DNAJC19: variants seen among roughly 807,000 people sequenced by gnomAD.
DNAJC19 encodes the protein DnaJ heat shock protein family (Hsp40) member C19, also known as mitochondrial import inner membrane translocase subunit TIM14.
Under a neutral mutation model 19.8 loss-of-function variants are expected in DNAJC19, and 15 were observed. The observed-to-expected ratio is 0.76, with a 90% CI of 0.51 to 1.17. DNAJC19 has a LOEUF of 1.17. DNAJC19 is among the 50% of genes most tolerant of loss of function. The probability of loss-of-function intolerance (pLI) is 0.00; values close to 1 mark genes in which losing one functional copy is unlikely to be tolerated. For missense variants in DNAJC19, 105 were observed against 140.9 expected, an observed-to-expected ratio of 0.75 and a Z score of 1.29; for synonymous variants, 38 against 42.1, an observed-to-expected ratio of 0.90 and a Z score of 0.38.
rs1244704479 is a variant in DNAJC19 at position 180,986,016 on chromosome 3, G to T, written c.210-20C>A. The stretch of plus-strand genomic sequence containing the variant: ...GTAGGGCTAATTAAAAAAAGAAATG[G>T]TATTTACTTCATCCTACTTCTGCAT... On this transcript the variant is annotated intron_variant, in intron 4 of 5. Transcript: ENST00000382564. 6.3e-7 allele frequency: 1 copy of T among 1,595,516 alleles called. No individual in the cohort carries two copies. The highest frequency in any genetic ancestry group is 1.7e-5 in the Admixed American group (1 of 59,976).
chr3:180,984,858 A>G, intron 5 of DNAJC19, 148 bp from the exon 6 acceptor site: 1 of 587,838 alleles, frequency 1.7e-6, no homozygotes, highest in Admixed American at 3.3e-5. Context: ...TAACCCTGAC[A>G]CTGCAACTGG....
At chr3:180,985,731 C>A (rs1051385763) in intron 5 of DNAJC19, 195 bp downstream of exon 5, 1 of 590,880 alleles carries the variant, frequency 1.7e-6, no homozygotes, top group Admixed American at 2.8e-5. Flanking sequence ...GTAGCACTTA[C>A]ATCTGCTCAT....
Position 180,989,608 on chromosome 3 carries a change from C to T in DNAJC19, c.-6G>A. On this transcript the variant is annotated 5_prime_UTR_variant, in exon 1 of 6. Coordinates refer to ENST00000382564, the MANE Select transcript of DNAJC19 (RefSeq NM_145261.4). ...CGGAAGGCCGCACTCACCATGGCTC[C>T]GGCTGGGCTCCCTTGCTTCCACCGG... 1 of 1,587,438 alleles carries T rather than the reference C, an allele frequency of 6.3e-7. No homozygotes were observed. Among genetic ancestry groups the T allele is most frequent in the Non-Finnish European group, 8.6e-7 (1 of 1,167,318 alleles).
intron 1 of DNAJC19, among the ~76,000 whole-genome samples, chr3:180,988,896 G>C (rs954971218): frequency 6.6e-6 from 1 of 151,288 alleles, no homozygotes; most frequent in African/African-American, 2.4e-5. Context: ...TGTAATCCCA[G>C]CTACTTGGGA....
intron 5 of DNAJC19, 32 bp downstream of exon 5, chr3:180,985,891 CCAA>C (rs767910925): frequency 5.1e-6 from 8 of 1,575,174 alleles, no homozygotes; most frequent in Non-Finnish European, 7.0e-6. Flanking sequence ...ATTGGTCACA[CCAA>C]CAACATCAAC....
chr3:180,989,629 A>T lies in DNAJC19; in HGVS notation c.-27T>A. ...GCTCCGGCTGGGCTCCCTTGCTTCC[A>T]CCGGGAGCACGGCTCATCCCAGCTC... On this transcript the variant is annotated 5_prime_UTR_variant, in exon 1 of 6. Transcript: ENST00000382564. The T allele has an allele frequency of 6.3e-7, 1 of 1,585,140 alleles. No homozygotes were observed. The highest frequency in any genetic ancestry group is 8.6e-7 in the Non-Finnish European group (1 of 1,166,396).
At position 180,984,698 on chromosome 3, in the gene DNAJC19, T is replaced by C. The variant is rs1714806570; in HGVS notation, c.293A>G (p.Tyr98Cys). ...AGCTTCATTGATTTTGGCTGCTATATAAGGAGATCCTCCTATAGGAAGAAA... is the reference window on the plus strand; with the variant it reads ...AGCTTCATTGATTTTGGCTGCTATACAAGGAGATCCTCCTATAGGAAGAAA... The part of the protein sequence containing the change: ...LNHPDKGGSP[Y>C]IAAKINEAKD... The change falls in exon 6 of 6, where the codon TAT (tyrosine) becomes TGT (cysteine). Residue 98 changes from tyrosine to cysteine, a missense_variant. Physicochemically the swap from Tyr to Cys is radical, Grantham distance 194. Transcript: ENST00000382564. 3 of 1,607,276 alleles carry C rather than the reference T, an allele frequency of 1.9e-6. No individual in the cohort carries two copies. In the East Asian group the frequency reaches 6.7e-5, roughly 36 times the overall value.
chr3:180,989,445 GGT>G, intron 1 of DNAJC19, 153 bp downstream of exon 1: 10 of 1,495,322 alleles, frequency 6.7e-6, no homozygotes, highest in Non-Finnish European at 8.9e-6. Context: ...GAGCCAACAG[GGT>G]TGTGTCCTGG....
intron 1 of DNAJC19, 36 bp downstream of exon 1, chr3:180,989,564 C>T (rs766521833): frequency 3.2e-6 from 5 of 1,568,976 alleles, no homozygotes; most frequent in Middle Eastern, 3.3e-4. Flanking sequence ...AGGCCTGGGC[C>T]GGAGGTCGCC....
At position 180,988,088 on chromosome 3, in the gene DNAJC19, CG is replaced by C. The variant is rs2108509666; in HGVS notation, c.63del (p.Tyr21Ter). ...TCCATATGCTTCATGGCTTGCAAAA[CG>C]TAACGGCCTAAAACCAAAAGCAACA... ...TIAAAGFAGR[Y>X]VLQAMKHMEP... On this transcript the variant is annotated frameshift_variant, in exon 3 of 6. Transcript: ENST00000382564. LOFTEE classifies it high-confidence loss of function. 3.7e-6 allele frequency: 6 copies of C among 1,614,166 alleles called. No individual in the cohort carries two copies. The highest frequency in any genetic ancestry group is 3.4e-6 in the Non-Finnish European group (4 of 1,180,022).
chr3:180,988,291 C>T (rs1715013455), intron 1 of DNAJC19, 62 bp from the exon 2 acceptor site: 1 of 1,593,256 alleles, frequency 6.3e-7, no homozygotes. Flanking sequence ...TCATTTTGCC[C>T]ATTCTTCCAT....
chr3:180,984,816 T>A, intron 5 of DNAJC19, 106 bp from the exon 6 acceptor site: 1 of 770,994 alleles, frequency 1.3e-6, no homozygotes, highest in Non-Finnish European at 2.1e-6. Context: ...TGAGGGAGAT[T>A]TAGCAGAAAC....
intron 5 of DNAJC19, chr3:180,985,367 A>G (rs1473176092): frequency 6.5e-6 from 1 of 154,732 alleles, no homozygotes; most frequent in Non-Finnish European, 1.4e-5. Context: ...GCTAAATTTC[A>G]TAAAAGATAC....
At chr3:180,988,846 C>CAAA (rs11465052) in intron 1 of DNAJC19, among the ~76,000 whole-genome samples, 2 of 134,432 alleles carry the variant, frequency 1.5e-5, no homozygotes, top group Non-Finnish European at 3.2e-5. Flanking sequence ...ACTAAAAATA[C>CAAA]AAAAAAAAAA....
At chr3:180,987,673 A>T (rs1714980784) in intron 3 of DNAJC19, 2 of 357,330 alleles carry the variant, frequency 5.6e-6, no homozygotes, top group Non-Finnish European at 5.4e-6. Context: ...ACATGGTCAG[A>T]TCGGATCACT....
At position 180,984,269 on chromosome 3, in the gene DNAJC19, C is replaced by A. The variant is rs1448745717; in HGVS notation, c.*371G>T. 2.2e-6 allele frequency: 1 copy of A among 454,926 alleles called. No individual in the cohort carries two copies. The highest frequency in any genetic ancestry group is 1.6e-5 in the South Asian group (1 of 64,476). The allele number at this position is 454,926 out of a possible 1,614,324, so 28.2% of individuals were successfully genotyped here. A position where few individuals can be genotyped will look rare whatever the true frequency, so the allele number is the denominator to read the frequency against. On this transcript the variant is annotated 3_prime_UTR_variant, in exon 6 of 6. Transcript: ENST00000382564. ...TTAAACAGCTTAAGCTAATTTCCAT[C>A]ATACTATTTATCACAGTCTAATTAC... is the stretch of plus-strand genomic sequence containing the variant.
At chr3:180,989,758 G>T, upstream of DNAJC19, 1 of 1,272,852 alleles carries the variant, frequency 7.9e-7, no homozygotes. Context: ...CCGCAAACTA[G>T]GCCGGAAAAC....
At chr3:180,986,815 TA>T (rs1437500044) in intron 4 of DNAJC19, 127 bp downstream of exon 4, 15 of 770,196 alleles carry the variant, frequency 1.9e-5, no homozygotes, top group Middle Eastern at 3.7e-4. Context: ...TTAGAATTGG[TA>T]ATATCAATCT....
At position 180,986,003 on chromosome 3, in the gene DNAJC19, A is replaced by T. The variant is rs779367415; in HGVS notation, c.210-7T>A. 7.0e-5 allele frequency: 113 copies of T among 1,609,706 alleles called. 1 individual carries two copies. The highest frequency in any genetic ancestry group is 1.4e-5 in the Non-Finnish European group (17 of 1,177,248). ...CCCTTTATTGGCAGTAGGGCTAATT[A>T]AAAAAAGAAATGGTATTTACTTCAT... is the stretch of plus-strand genomic sequence containing the variant. On this transcript the variant is annotated splice_polypyrimidine_tract_variant and splice_region_variant and intron_variant, in intron 4 of 5. Transcript: ENST00000382564.
Sources: allele counts gnomAD v4.1 joint callset (sites outside exome capture counted in the v4.1 genomes callset), GRCh38; gene constraint gnomAD v4.1.1; transcripts MANE v1.5; gene names NCBI Gene and HGNC (gene_info 2026-07-23, HGNC 2026-07-21).